Variants in CALN1 observed in about 807,000 individuals in gnomAD.
CALN1 encodes calcium-binding protein 8.
CALN1 carries 17 observed loss-of-function variants against 30.6 expected under a neutral mutation model. That is an observed-to-expected ratio of 0.56 (90% CI 0.38 to 0.83). CALN1 has a LOEUF of 0.83. CALN1 is among the 40% of genes least tolerant of loss of function. The pLI is 0.00. For missense variants in CALN1, 291 were observed against 354.9 expected (o/e 0.82, Z 1.45); for synonymous variants, 156 against 131.4 (o/e 1.19, Z -1.28).
chr7:71,781,840 G>C lies in CALN1; in HGVS notation c.*5935C>G, dbSNP rs1326176732. On this transcript the variant is annotated 3_prime_UTR_variant, in exon 7 of 7. Coordinates refer to ENST00000395275, the MANE Select transcript of CALN1 (RefSeq NM_031468.4). ...TACCCCAAGGTCAGGGTAGGGGCAG[G>C]TGGCCGGGCAAGCTTTTCCACTTTC... The C allele has an allele frequency of 1.3e-5, 2 of 152,260 alleles. No individual in the cohort carries two copies. The highest frequency in any genetic ancestry group is 1.5e-5 in the Non-Finnish European group (1 of 68,046). The allele number at this position is 152,260 out of a possible 1,614,324, so 9.4% of individuals were successfully genotyped here.
chr7:71,938,061 A>G (rs1265798073), intron 5 of CALN1, among the ~76,000 whole-genome samples: 1 of 152,090 alleles, frequency 6.6e-6, no homozygotes, highest in Non-Finnish European at 1.5e-5. Context: ...AGAAAGAGAA[A>G]GAGTTTACCA....
intron 3 of CALN1, among the ~76,000 whole-genome samples, chr7:72,140,601 G>A (rs1002210055): frequency 5.3e-4 from 80 of 152,354 alleles, no homozygotes; most frequent in Admixed American, 4.6e-4. Context: ...GGCAGGCAGG[G>A]TGTGGCCAGT....
At position 72,213,203 on chromosome 7, in the gene CALN1, T is replaced by C. The variant is rs542173263; in HGVS notation, c.244+65483A>G. On this transcript the variant is annotated intron_variant, in intron 3 of 6. Coordinates refer to ENST00000395275, the MANE Select transcript of CALN1 (RefSeq NM_031468.4). ...GTCCTAATTAAAAACAACTAAACAT[T>C]TGTTCAGACGTTATCTTTGTTCTCC... 1.6e-3 allele frequency among the ~76,000 whole-genome samples: 249 copies of C among 152,318 alleles called. 1 individual carries two copies. Among genetic ancestry groups the C allele is most frequent in the African/African-American group, 5.9e-3 (244 of 41,560 alleles).
At chr7:72,073,557 G>C (rs377001689) in intron 4 of CALN1, among the ~76,000 whole-genome samples, 12 of 152,190 alleles carry the variant, frequency 7.9e-5, no homozygotes, top group African/African-American at 2.6e-4. Context: ...GGAGAAAAAG[G>C]GGAGGGGAAT....
chr7:72,416,734 C>CAAAAAA (rs4029798), upstream of CALN1, among the ~76,000 whole-genome samples: 17 of 77,688 alleles, frequency 2.2e-4, no homozygotes, highest in East Asian at 6.4e-4. Flanking sequence ...GACTCTGTCT[C>CAAAAAA]AAAAAAAAAA....
upstream of CALN1, among the ~76,000 whole-genome samples, chr7:72,413,264 TCA>T (rs371234507): frequency 3.6e-4 from 54 of 148,534 alleles, no homozygotes; most frequent in African/African-American, 8.2e-4. Context: ...ACATATACAT[TCA>T]CACACACATG....
intron 5 of CALN1, among the ~76,000 whole-genome samples, chr7:71,824,308 C>G (rs538565407): frequency 6.6e-6 from 1 of 152,130 alleles, no homozygotes. Flanking sequence ...CATTGTCCCC[C>G]CAAAATCCAG....
rs58893546 is a variant in CALN1, at chr7:72,256,570, A to G, written c.244+22116T>C. On this transcript the variant is annotated intron_variant, in intron 3 of 6. Coordinates refer to ENST00000395275, the MANE Select transcript of CALN1 (RefSeq NM_031468.4). ...TGGTTTTTCCCTTTCACATTAAAATATCCTTCACACTTTCCAGTTTTGTTC... is the reference window on the plus strand; with the variant it reads ...TGGTTTTTCCCTTTCACATTAAAATGTCCTTCACACTTTCCAGTTTTGTTC... 7.5e-3 allele frequency among the ~76,000 whole-genome samples: 1,146 copies of G among 151,998 alleles called. 10 individuals carry two copies. The highest frequency in any genetic ancestry group is 0.024 in the African/African-American group (991 of 41,458).
intron 5 of CALN1, among the ~76,000 whole-genome samples, chr7:71,956,075 C>G (rs1332431840): frequency 6.6e-6 from 1 of 151,826 alleles, no homozygotes; most frequent in Non-Finnish European, 1.5e-5. Flanking sequence ...GCAACCTCTG[C>G]CTCCTGGGTT....
At chr7:71,944,231 G>C (rs980668237) in intron 5 of CALN1, among the ~76,000 whole-genome samples, 2 of 152,102 alleles carry the variant, frequency 1.3e-5, no homozygotes, top group East Asian at 1.9e-4. Context: ...TGGATCACTT[G>C]AGCCCAGGAG....
intron 5 of CALN1, among the ~76,000 whole-genome samples, chr7:71,818,012 T>G (rs1788367650): frequency 2.0e-5 from 3 of 152,096 alleles, no homozygotes; most frequent in Admixed American, 2.0e-4. Flanking sequence ...GCAAAAAGAT[T>G]TATATACTAA....
chr7:72,389,008 G>A (rs1805409680), intron 2 of CALN1, among the ~76,000 whole-genome samples: 1 of 152,162 alleles, frequency 6.6e-6, no homozygotes, highest in South Asian at 2.1e-4. Context: ...TCCATCCTCT[G>A]TTCTGGAAAC....
At chr7:71,909,893 C>A (rs144016976) in intron 5 of CALN1, among the ~76,000 whole-genome samples, 1 of 152,272 alleles carries the variant, frequency 6.6e-6, no homozygotes, top group African/African-American at 2.4e-5. Context: ...CTACCTAAGA[C>A]TGGGTAATTT....
intron 2 of CALN1, among the ~76,000 whole-genome samples, chr7:72,346,515 ATTTATTAT>A (rs1802649474): frequency 6.6e-6 from 1 of 152,046 alleles, no homozygotes; most frequent in Non-Finnish European, 1.5e-5. Flanking sequence ...GTTAAAATTT[ATTTATTAT>A]TTATTTATTT....
chr7:71,837,732 C>T (rs1017766454), intron 5 of CALN1, among the ~76,000 whole-genome samples: 3 of 152,120 alleles, frequency 2.0e-5, no homozygotes, highest in Non-Finnish European at 2.9e-5. Flanking sequence ...TTTCTGAGAA[C>T]TGAAACCATC....
chr7:72,472,343 G>C, the CALN1 span, among the ~76,000 whole-genome samples: 1 of 152,048 alleles, frequency 6.6e-6, no homozygotes, highest in Non-Finnish European at 1.5e-5. Flanking sequence ...AGTTGCCCCC[G>C]GCACAATATC....
chr7:72,398,346 T>C (rs1253086840), intron 2 of CALN1, among the ~76,000 whole-genome samples: 2 of 152,242 alleles, frequency 1.3e-5, no homozygotes, highest in African/African-American at 4.8e-5. Context: ...TGAATTTCCA[T>C]TGCTTTCAGA....
At chr7:72,139,335 C>T (rs1156954442) in intron 3 of CALN1, among the ~76,000 whole-genome samples, 2 of 151,726 alleles carry the variant, frequency 1.3e-5, no homozygotes, top group East Asian at 3.9e-4. Flanking sequence ...CACGCCCAAC[C>T]TCTTCTGCCC....
At chr7:72,378,267 G>T (rs1044897849) in intron 2 of CALN1, among the ~76,000 whole-genome samples, 1 of 152,010 alleles carries the variant, frequency 6.6e-6, no homozygotes, top group African/African-American at 2.4e-5. Flanking sequence ...ACCAGTACTG[G>T]ACATGTGGGC....
Sources: gnomAD v4.1 joint callset for allele counts (sites outside exome capture counted in the v4.1 genomes callset) on GRCh38, gnomAD v4.1.1 for gene constraint, MANE v1.5 for transcripts, NCBI Gene and HGNC (gene_info 2026-07-23, HGNC 2026-07-21) for gene names.